Variants in GNL2 observed in about 807,000 individuals in gnomAD.
GNL2 encodes the protein G protein nucleolar 2.
GNL2 carries 51 observed loss-of-function variants against 92.3 expected under a neutral mutation model. That is an observed-to-expected ratio of 0.55 (90% confidence interval 0.44 to 0.70). The LOEUF (loss-of-function observed/expected upper bound fraction) is 0.70. GNL2 is among the 30% of genes least tolerant of loss of function. GNL2 has a pLI of 0.00. For missense variants in GNL2, 844 were observed against 895.6 expected (o/e 0.94, Z 0.74); for synonymous variants, 283 against 300.6 (o/e 0.94, Z 0.61).
In GNL2 at chr1:37,568,875, T is replaced by C; in HGVS notation, c.1844A>G (p.Lys615Arg). ...AKYQKFLDKA[K>R]AKKFSAVRIS... ...CCTGACTGCTGAAAACTTTTTGGCT[T>C]TGGCTTTGTCTAGAAACTTCTGATA... is the stretch of plus-strand genomic sequence containing the variant. The change falls in exon 13 of 16, where the codon AAA becomes AGA. Residue 615 changes from lysine to arginine, a missense_variant. By Grantham distance (26) the Lys-to-Arg change is conservative. Transcript: ENST00000373062. 6.2e-7 allele frequency: 1 copy of C among 1,612,820 alleles called. No homozygotes were observed.
At chr1:37,567,488 G>A (rs190378234) in intron 15 of GNL2, among the ~76,000 whole-genome samples, 185 bp downstream of exon 15, 212 of 151,938 alleles carry the variant, frequency 1.4e-3, no homozygotes, top group Middle Eastern at 6.8e-3. Flanking sequence ...CTCCTAAAAC[G>A]TATGACATGG....
chr1:37,584,223 C>T (rs983629059), intron 5 of GNL2, among the ~76,000 whole-genome samples: 1 of 151,932 alleles, frequency 6.6e-6, no homozygotes, highest in Admixed American at 6.6e-5. Flanking sequence ...CCAAGGAGGG[C>T]AGACTGCTTG....
intron 1 of GNL2, 136 bp downstream of exon 1, chr1:37,595,623 A>C (rs998796113): frequency 6.3e-5 from 47 of 742,336 alleles, no homozygotes; most frequent in Non-Finnish European, 1.0e-4. Context: ...TTCCCTTTTC[A>C]TCCCCAACAG....
In GNL2 at chr1:37,584,064, T is replaced by A. The variant is rs1195337562; in HGVS notation, c.570-131A>T. 4.5e-6 allele frequency: 3 copies of A among 660,126 alleles called. No homozygotes were observed. The African/African-American group carries it at 5.4e-5, about 12-fold the overall frequency. 40.9% of individuals were successfully genotyped at this position (660,126 alleles called of 1,614,324 possible). A position where few individuals can be genotyped will look rare whatever the true frequency, so the allele number is the denominator to read the frequency against. On this transcript the variant is annotated intron_variant, in intron 5 of 15. Transcript: ENST00000373062. ...GGAGATGGACCAGAAACAAACTGAATTTAAAAAGTGTGCCCAAATGTCTGT... is the reference window on the plus strand; with the variant it reads ...GGAGATGGACCAGAAACAAACTGAAATTAAAAAGTGTGCCCAAATGTCTGT...
rs1426347643 is a variant in GNL2 at position 37,590,729 on chromosome 1, G to A, written c.361C>T (p.Leu121Phe). Residue 121 changes from leucine (L) to phenylalanine (F), a missense_variant, in exon 4 of 16, where the codon CTC becomes TTC. Transcript: ENST00000373062. ...ACATGAGGCCGGATTCGATCATGGA[G>A]AAGAGACATTGGTAACTTGCTTTGC... ...MKQSKLPMSL[L>F]HDRIRPHNLK... The A allele has an allele frequency of 6.2e-7, 1 of 1,613,612 alleles. No individual in the cohort carries two copies. Among genetic ancestry groups the A allele is most frequent in the South Asian group, 1.1e-5 (1 of 91,062 alleles).
intron 9 of GNL2, 120 bp downstream of exon 9, chr1:37,576,308 G>T (rs2148132569): frequency 1.2e-6 from 1 of 867,194 alleles, no homozygotes; most frequent in East Asian, 2.5e-5. Context: ...TATATGGTGA[G>T]CTAAACTCCT....
At chr1:37,593,435 T>C in intron 2 of GNL2, 1 of 239,146 alleles carries the variant, frequency 4.2e-6, no homozygotes. Flanking sequence ...TCTGGTGGCT[T>C]TCCTAACTAC....
chr1:37,590,895 A>G, intron 3 of GNL2, 50 bp from the exon 4 acceptor site: 1 of 1,450,112 alleles, frequency 6.9e-7, no homozygotes, highest in Non-Finnish European at 9.3e-7. Context: ...TTGCGCATCC[A>G]TCTTCCACTG....
intron 12 of GNL2, 115 bp from the exon 13 acceptor site, chr1:37,569,417 G>GA (rs1402801034): frequency 4.5e-6 from 3 of 661,756 alleles, no homozygotes; most frequent in Non-Finnish European, 7.7e-6. Context: ...GGAAGGTATT[G>GA]AAAACACCCA....
At chr1:37,572,137 ACTC>A (rs763035470) in intron 12 of GNL2, among the ~76,000 whole-genome samples, 3 of 151,526 alleles carry the variant, frequency 2.0e-5, no homozygotes, top group African/African-American at 4.9e-5. Flanking sequence ...ACCCCAAAGT[ACTC>A]CTCATCTCCC....
At position 37,574,710 on chromosome 1, in the gene GNL2, C is replaced by T; in HGVS notation, c.1257G>A (p.Glu419=). 6.2e-7 allele frequency: 1 copy of T among 1,613,994 alleles called. No homozygotes were observed. The highest frequency in any genetic ancestry group is 8.5e-7 in the Non-Finnish European group (1 of 1,179,908). The change falls in exon 11 of 16, where the codon GAG becomes GAA. Residue 419 remains glutamate, a synonymous_variant. Transcript: ENST00000373062. ...GGAAAGCGAGCTTCTCAAGAAAGTC[C>T]TCAGCATTCTCCCAAGAATCAATCT... The part of the protein sequence containing the change: ...TYKIDSWENA[E]DFLEKLAFRT...
At chr1:37,574,604 T>C in intron 11 of GNL2, 61 bp downstream of exon 11, 2 of 1,534,188 alleles carry the variant, frequency 1.3e-6, no homozygotes, top group African/African-American at 2.7e-5. Context: ...AAAAGGCCCA[T>C]ATCATATACA....
intron 3 of GNL2, among the ~76,000 whole-genome samples, chr1:37,591,668 G>A (rs1340118466): frequency 6.6e-6 from 1 of 151,972 alleles, no homozygotes; most frequent in Non-Finnish European, 1.5e-5. Flanking sequence ...ACAACACCTG[G>A]CTAATTTTTG....
intron 4 of GNL2, among the ~76,000 whole-genome samples, chr1:37,587,712 C>T (rs1557644187): frequency 6.6e-6 from 1 of 152,118 alleles, no homozygotes; most frequent in Non-Finnish European, 1.5e-5. Flanking sequence ...CTGTAAGCTT[C>T]CTTGGAGAAA....
In GNL2 at chr1:37,592,457, T is replaced by C. The variant is rs562094874; in HGVS notation, c.244+255A>G. Among the ~76,000 whole-genome samples the C allele has an allele frequency of 2.3e-4, 35 of 152,332 alleles. 1 individual carries two copies. Among genetic ancestry groups the C allele is most frequent in the Admixed American group, 3.9e-4 (6 of 15,300 alleles). On this transcript the variant is annotated intron_variant, in intron 3 of 15. Coordinates refer to ENST00000373062, the MANE Select transcript of GNL2 (RefSeq NM_013285.3). ...AGATGAGCATTCTAAGGTCTGTGAA[T>C]GCTAGTCATTAAGGATGGTCTTATC...
chr1:37,591,416 G>A (rs1000007899), intron 3 of GNL2, among the ~76,000 whole-genome samples: 1 of 152,012 alleles, frequency 6.6e-6, no homozygotes, highest in African/African-American at 2.4e-5. Context: ...ATGCAAAACA[G>A]CAAGGTGGTA....
At chr1:37,588,178 G>T (rs1643868070) in intron 4 of GNL2, among the ~76,000 whole-genome samples, 1 of 152,068 alleles carries the variant, frequency 6.6e-6, no homozygotes, top group South Asian at 2.1e-4. Flanking sequence ...ACTAGAACTT[G>T]ATGTGCCTGT....
rs1047511805 is a variant in GNL2 at position 37,569,529 on chromosome 1, C to A, written c.1417-227G>T. ...TACATGTGTAGTTCCACAGGATGAA[C>A]CAACTAAGACTATTTAAACCATTAA... On this transcript the variant is annotated intron_variant, in intron 12 of 15. Transcript: ENST00000373062. 5 of 490,368 alleles carry A rather than the reference C, an allele frequency of 1.0e-5. No homozygotes were observed. In the East Asian group the frequency reaches 1.4e-4, roughly 13 times the overall value. 30.4% of individuals were successfully genotyped at this position (490,368 alleles called of 1,614,324 possible). A position where few individuals can be genotyped will look rare whatever the true frequency, so the allele number is the denominator to read the frequency against.
chr1:37,576,615 G>A (rs1643683082), intron 8 of GNL2, 59 bp from the exon 9 acceptor site: 3 of 1,545,574 alleles, frequency 1.9e-6, no homozygotes, highest in African/African-American at 2.7e-5. Flanking sequence ...CTTTGGACAA[G>A]TAGGTTGTAT....
Sources: gnomAD v4.1 joint callset for allele counts (sites outside exome capture counted in the v4.1 genomes callset) on GRCh38, gnomAD v4.1.1 for gene constraint, MANE v1.5 for transcripts, NCBI Gene and HGNC (gene_info 2026-07-23, HGNC 2026-07-21) for gene names.